The following ANO6 variants were observed in gnomAD, a reference collection of about 807,000 sequenced individuals.
The protein encoded by ANO6 is anoctamin 6.
Under a neutral mutation model 117.5 loss-of-function variants are expected in ANO6, and 106 were observed. The observed-to-expected ratio is 0.90, with a 90% CI of 0.77 to 1.06. ANO6 has a LOEUF of 1.06. Ranked by LOEUF, ANO6 falls within the 50% of genes least tolerant of loss-of-function variation. The pLI is 0.00. For missense variants in ANO6, 955 were observed against 1,121.1 expected, an observed-to-expected ratio of 0.85 and a Z score of 2.12; for synonymous variants, 367 against 385.1, an observed-to-expected ratio of 0.95 and a Z score of 0.55.
At chr12:45,265,759 C>T (rs1414428897) in intron 1 of ANO6, among the ~76,000 whole-genome samples, 1 of 152,160 alleles carries the variant, frequency 6.6e-6, no homozygotes, top group African/African-American at 2.4e-5. Context: ...GGATAAAGCG[C>T]AAACCTCAGT....
chr12:45,300,281 A>G (rs536014731), intron 1 of ANO6, among the ~76,000 whole-genome samples: 70 of 152,238 alleles, frequency 4.6e-4, no homozygotes, highest in African/African-American at 1.6e-3. Flanking sequence ...CCCAGGCTCA[A>G]GCAATCTTTC....
rs372215727 is a variant in ANO6, at chr12:45,379,150, A to G, written c.1165+1037A>G. On this transcript the variant is annotated intron_variant, in intron 10 of 19. Coordinates refer to ENST00000320560, the MANE Select transcript of ANO6 (RefSeq NM_001025356.3). The stretch of plus-strand genomic sequence containing the variant: ...AATTCAGGTTATAGGAAGGCAGAGG[A>G]AAAAACTGAACCAAGTTTCTTATTC... Among the ~76,000 whole-genome samples, 73 of 152,334 alleles carry G rather than the reference A, an allele frequency of 4.8e-4. 1 individual carries two copies. Among genetic ancestry groups the G allele is most frequent in the African/African-American group, 1.8e-3 (73 of 41,576 alleles).
At chr12:45,386,494 T>C (rs1942301848) in intron 10 of ANO6, among the ~76,000 whole-genome samples, 1 of 113,608 alleles carries the variant, frequency 8.8e-6, no homozygotes, top group Non-Finnish European at 1.7e-5. Context: ...CCTTCTGTCA[T>C]ACCTGCATCC....
At chr12:45,293,010 A>T in intron 1 of ANO6, 1 of 1,535,548 alleles carries the variant, frequency 6.5e-7, no homozygotes, top group Non-Finnish European at 8.8e-7. Flanking sequence ...CTCCTTTTTT[A>T]TAAATATTGT....
chr12:45,266,296 A>T (rs1938212146), intron 1 of ANO6, among the ~76,000 whole-genome samples: 1 of 152,176 alleles, frequency 6.6e-6, no homozygotes, highest in Non-Finnish European at 1.5e-5. Context: ...TCCAGTTTTT[A>T]AAAATATTCA....
rs1431664207 is a variant in ANO6, at chr12:45,216,204, G to A, written c.-118G>A. ...GCGCTGGCTGGGCTCAGCGGCCCCT[G>A]AGCCCAAGCGACACACGCCCCGCGG... On this transcript the variant is annotated 5_prime_UTR_variant, in exon 1 of 20. Coordinates refer to ENST00000320560, the MANE Select transcript of ANO6 (RefSeq NM_001025356.3). The A allele has an allele frequency of 1.6e-6, 2 of 1,226,318 alleles. No individual in the cohort carries two copies. Among genetic ancestry groups the A allele is most frequent in the Middle Eastern group, 2.4e-4 (1 of 4,232 alleles). The allele number at this position is 1,226,318 out of a possible 1,614,324, so 76.0% of individuals were successfully genotyped here. A position where few individuals can be genotyped will look rare whatever the true frequency, so the allele number is the denominator to read the frequency against.
intron 12 of ANO6, among the ~76,000 whole-genome samples, chr12:45,397,927 A>AC (rs1942671197): frequency 6.6e-6 from 1 of 152,164 alleles, no homozygotes; most frequent in African/African-American, 2.4e-5. Context: ...GCACGTGTAT[A>AC]CCTATGTGTC....
At chr12:45,397,389 A>G (rs974212897) in intron 12 of ANO6, among the ~76,000 whole-genome samples, 2 of 151,920 alleles carry the variant, frequency 1.3e-5, no homozygotes, top group African/African-American at 4.8e-5. Context: ...CACTGTTGGG[A>G]GTGTAAATTG....
At chr12:45,414,394 TATA>T (rs1370936835) in intron 16 of ANO6, among the ~76,000 whole-genome samples, 2 of 152,242 alleles carry the variant, frequency 1.3e-5, no homozygotes, top group South Asian at 4.1e-4. Context: ...TTATTTTTAA[TATA>T]ATATTTTTAA....
chr12:45,256,187 T>C (rs1253525736), intron 1 of ANO6, among the ~76,000 whole-genome samples: 1 of 152,114 alleles, frequency 6.6e-6, no homozygotes. Flanking sequence ...ACATTGAACA[T>C]GCCCATGTGT....
intron 15 of ANO6, among the ~76,000 whole-genome samples, chr12:45,405,464 A>G (rs1396012140): frequency 6.6e-6 from 1 of 152,234 alleles, no homozygotes; most frequent in African/African-American, 2.4e-5. Flanking sequence ...AATTACAGTG[A>G]TATGAACTTT....
At chr12:45,219,596 G>A (rs1468258058) in intron 1 of ANO6, among the ~76,000 whole-genome samples, 2 of 148,980 alleles carry the variant, frequency 1.3e-5, no homozygotes, top group South Asian at 2.1e-4. Flanking sequence ...ATCCTACCTC[G>A]GCTTCCCAAA....
At position 45,395,610 on chromosome 12, in the gene ANO6, G is replaced by A. The variant is rs7963846; in HGVS notation, c.1386+5112G>A. ...ATCCACAATAAAATACTGGCAAACC[G>A]AATCCAGCAGCACATCAAAAAGCTT... On this transcript the variant is annotated intron_variant, in intron 12 of 19. Coordinates refer to ENST00000320560, the MANE Select transcript of ANO6 (RefSeq NM_001025356.3). 6.2e-3 allele frequency among the ~76,000 whole-genome samples: 950 copies of A among 152,240 alleles called. 15 individuals carry two copies. Among genetic ancestry groups the A allele is most frequent in the African/African-American group, 0.021 (885 of 41,534 alleles).
chr12:45,225,126 T>G (rs561728527), intron 1 of ANO6, among the ~76,000 whole-genome samples: 2 of 148,204 alleles, frequency 1.3e-5, no homozygotes, highest in East Asian at 4.0e-4. Context: ...AAGCCAAGGC[T>G]GCAGTGAGCT....
intron 2 of ANO6, among the ~76,000 whole-genome samples, chr12:45,329,633 C>G (rs1940595248): frequency 6.6e-6 from 1 of 152,138 alleles, no homozygotes; most frequent in Admixed American, 6.6e-5. Flanking sequence ...CCAAAGGCAA[C>G]AGAATGTGGG....
chr12:45,218,740 G>A (rs1947353250), intron 1 of ANO6, among the ~76,000 whole-genome samples: 1 of 152,144 alleles, frequency 6.6e-6, no homozygotes, highest in African/African-American at 2.4e-5. Flanking sequence ...TTCCAACTGT[G>A]GGAGAGGAGA....
At chr12:45,335,442 A>G (rs571694164) in intron 3 of ANO6, 3 of 152,106 alleles carry the variant, frequency 2.0e-5, no homozygotes, top group East Asian at 3.9e-4. Context: ...AAGTTTTACT[A>G]TGATGAACAT....
intron 2 of ANO6, among the ~76,000 whole-genome samples, chr12:45,316,785 C>CA (rs1349131665): frequency 6.6e-6 from 1 of 150,466 alleles, no homozygotes; most frequent in East Asian, 2.0e-4. Flanking sequence ...ATGTATTATA[C>CA]TATTATAACA....
chr12:45,342,913 G>A (rs944480318), intron 3 of ANO6, among the ~76,000 whole-genome samples: 1 of 152,146 alleles, frequency 6.6e-6, no homozygotes, highest in African/African-American at 2.4e-5. Flanking sequence ...GCCCAAGTAA[G>A]CTCAAGAAGA....
Sources: gnomAD v4.1 joint callset for allele counts (sites outside exome capture counted in the v4.1 genomes callset) on GRCh38, gnomAD v4.1.1 for gene constraint, MANE v1.5 for transcripts, NCBI Gene and HGNC (gene_info 2026-07-23, HGNC 2026-07-21) for gene names.